Variants in TYW1B observed in about 807,000 individuals in gnomAD.
TYW1B encodes tRNA-yW synthesizing protein 1 homolog B.
A neutral mutation model predicts 86.9 loss-of-function variants in TYW1B; 73 were observed. The observed-to-expected ratio is 0.84, with a 90% CI of 0.70 to 1.02. The LOEUF is 1.02. Among genes scored for constraint, TYW1B ranks in the 50% least tolerant of loss-of-function variants. The pLI is 0.00. For missense variants in TYW1B, 637 were observed against 827.4 expected, an observed-to-expected ratio of 0.77 and a Z score of 2.82; for synonymous variants, 248 against 292.8, an observed-to-expected ratio of 0.85 and a Z score of 1.56.
At chr7:72,691,972 G>A (rs1404592983) in intron 11 of TYW1B, among the ~76,000 whole-genome samples, 2 of 152,012 alleles carry the variant, frequency 1.3e-5, no homozygotes, top group African/African-American at 4.8e-5. Context: ...TTGGGAGGTT[G>A]AGGCAGGCGG....
At chr7:72,674,841 T>C (rs1241754858) in intron 11 of TYW1B, among the ~76,000 whole-genome samples, 2 of 150,220 alleles carry the variant, frequency 1.3e-5, no homozygotes, top group African/African-American at 4.9e-5. Flanking sequence ...AAGAGTTCCT[T>C]CCACCTCGGC....
At chr7:72,699,633 T>G (rs1814409971) in intron 10 of TYW1B, among the ~76,000 whole-genome samples, 1 of 152,080 alleles carries the variant, frequency 6.6e-6, no homozygotes, top group Admixed American at 6.6e-5. Context: ...CAAAGCTGTT[T>G]GTATTCTTAA....
chr7:72,687,570 T>C (rs868906119), intron 11 of TYW1B, among the ~76,000 whole-genome samples: 9 of 152,220 alleles, frequency 5.9e-5, no homozygotes, highest in Non-Finnish European at 1.2e-4. Flanking sequence ...TTGAATGTTA[T>C]TATAATATTA....
intron 7 of TYW1B, among the ~76,000 whole-genome samples, chr7:72,766,531 T>C (rs532536604): frequency 6.7e-6 from 1 of 148,794 alleles, no homozygotes; most frequent in South Asian, 2.1e-4. Context: ...GGAGAATCAC[T>C]TGAACCCAGA....
At chr7:72,706,480 T>C (rs1347847455) in intron 10 of TYW1B, among the ~76,000 whole-genome samples, 3 of 151,566 alleles carry the variant, frequency 2.0e-5, no homozygotes, top group Non-Finnish European at 4.4e-5. Context: ...TCTCAAAAGT[T>C]CTTTGTGTAC....
chr7:72,698,700 G>A (rs1814385183), intron 10 of TYW1B, among the ~76,000 whole-genome samples: 4 of 151,798 alleles, frequency 2.6e-5, no homozygotes, highest in Admixed American at 2.6e-4. Flanking sequence ...GCATCAAGGA[G>A]ATTCAAGTCC....
At chr7:72,785,398 T>C (rs1354160528) in intron 6 of TYW1B, among the ~76,000 whole-genome samples, 1 of 147,754 alleles carries the variant, frequency 6.8e-6, no homozygotes, top group African/African-American at 2.5e-5. Flanking sequence ...ATTCTAATTA[T>C]ATAATTCTAA....
chr7:72,757,148 G>A (rs1440812135), intron 7 of TYW1B, among the ~76,000 whole-genome samples: 9 of 152,064 alleles, frequency 5.9e-5, no homozygotes, highest in East Asian at 5.8e-4. Flanking sequence ...TGGGCAGATC[G>A]CCTGAGGTCA....
intron 10 of TYW1B, among the ~76,000 whole-genome samples, chr7:72,706,299 T>C (rs1169426758): frequency 5.3e-5 from 8 of 151,820 alleles, no homozygotes; most frequent in African/African-American, 1.9e-4. Flanking sequence ...TGGTGGCAAA[T>C]GCCTGTAATC....
At position 72,802,451 on chromosome 7, in the gene TYW1B, A is replaced by G. The variant is rs781939497; in HGVS notation, c.795T>C (p.Ile265=). 2.0e-5 allele frequency: 32 copies of G among 1,613,622 alleles called. No individual in the cohort carries two copies. The highest frequency in any genetic ancestry group is 2.5e-5 in the Non-Finnish European group (30 of 1,179,808). The change falls in exon 6 of 14, where the codon ATT becomes ATC. Residue 265 remains isoleucine (I), a synonymous_variant. Coordinates refer to ENST00000620995, the MANE Select transcript of TYW1B (RefSeq NM_001145440.3). ...GGEDHQSLNS[I]VDVEDLGKIM... is the part of the protein sequence containing the mutation. ...TTTTGCCCAAATCTTCAACATCAAC[A>G]ATGGAATTTAGGCTCTGATGGTCCT...
At chr7:72,683,113 C>A (rs1445810942) in intron 11 of TYW1B, among the ~76,000 whole-genome samples, 1 of 152,146 alleles carries the variant, frequency 6.6e-6, no homozygotes, top group Non-Finnish European at 1.5e-5. Context: ...GCCTAACTAA[C>A]CAAGTGGAAG....
rs190519372 is a variant in TYW1B, at chr7:72,733,217, T to C, written c.1083-4286A>G. ...ACACACACCTCTCACACTAATACTT[T>C]TCAAACTATTTCAAAAAATTAAGGG... On this transcript the variant is annotated intron_variant, in intron 8 of 13. Transcript: ENST00000620995. 6.7e-5 allele frequency among the ~76,000 whole-genome samples: 10 copies of C among 150,284 alleles called. No homozygotes were observed. The East Asian group carries it at 1.8e-3, about 27-fold the overall frequency.
chr7:72,812,661 C>A (rs1159888257), intron 3 of TYW1B, among the ~76,000 whole-genome samples: 1 of 151,260 alleles, frequency 6.6e-6, no homozygotes, highest in African/African-American at 2.4e-5. Context: ...GGCCGGTAAA[C>A]TACAATCCAC....
In TYW1B at chr7:72,731,807, T is replaced by G. The variant is rs546868958; in HGVS notation, c.1083-2876A>C. Among the ~76,000 whole-genome samples the G allele has an allele frequency of 3.9e-5, 6 of 152,196 alleles. No individual in the cohort carries two copies. The Middle Eastern group carries it at 0.01, about 259-fold the overall frequency. ...AAATACAAAAATTAGCCAGGCGTGG[T>G]GGTGGGCACCTGTAATCCCAGCTAC... On this transcript the variant is annotated intron_variant, in intron 8 of 13. Coordinates refer to ENST00000620995, the MANE Select transcript of TYW1B (RefSeq NM_001145440.3).
At chr7:72,657,984 G>A (rs1303772254) in intron 11 of TYW1B, among the ~76,000 whole-genome samples, 3 of 152,184 alleles carry the variant, frequency 2.0e-5, no homozygotes, top group African/African-American at 7.2e-5. Flanking sequence ...GGCCAGGAGC[G>A]GTGGCTCGCA....
chr7:72,750,005 C>CCAG (rs2129571462), intron 7 of TYW1B, among the ~76,000 whole-genome samples: 2 of 133,462 alleles, frequency 1.5e-5, no homozygotes, highest in East Asian at 4.6e-4. Flanking sequence ...TCCTCCCTCA[C>CCAG]AGCCTCCCAA....
At chr7:72,631,823 C>T (rs1179640155) in intron 11 of TYW1B, among the ~76,000 whole-genome samples, 1 of 151,958 alleles carries the variant, frequency 6.6e-6, no homozygotes, top group African/African-American at 2.4e-5. Flanking sequence ...GAATCCCAAC[C>T]CATGTACTAG....
intron 10 of TYW1B, among the ~76,000 whole-genome samples, chr7:72,706,448 A>G (rs1585917711): frequency 1.3e-5 from 2 of 151,562 alleles, no homozygotes; most frequent in Non-Finnish European, 2.9e-5. Flanking sequence ...AAAAAAAAAA[A>G]AAAAAAGAAT....
At chr7:72,797,222 G>A (rs1392840672) in intron 6 of TYW1B, among the ~76,000 whole-genome samples, 2 of 152,212 alleles carry the variant, frequency 1.3e-5, no homozygotes, top group Non-Finnish European at 2.9e-5. Flanking sequence ...CATGTGATTA[G>A]AGGATTAGAA....
Sources: gnomAD v4.1 joint callset for allele counts (sites outside exome capture counted in the v4.1 genomes callset) on GRCh38, gnomAD v4.1.1 for gene constraint, MANE v1.5 for transcripts, NCBI Gene and HGNC (gene_info 2026-07-23, HGNC 2026-07-21) for gene names.